DSCAML1: variants seen among roughly 807,000 people sequenced by gnomAD.
The protein encoded by DSCAML1 is DS cell adhesion molecule like 1.
In DSCAML1, 38 loss-of-function variants were observed where a neutral mutation model predicts 200.5. The ratio of observed to expected loss-of-function variants is 0.19; its 90% CI spans 0.15 to 0.25. DSCAML1 has a LOEUF of 0.25. Among genes scored for constraint, DSCAML1 ranks in the 10% least tolerant of loss-of-function variants. DSCAML1 has a pLI of 1.00. For missense variants in DSCAML1, 2,223 were observed against 2,858.8 expected (o/e 0.78, Z 5.07); for synonymous variants, 1,215 against 1,165.0 (o/e 1.04, Z -0.87).
intron 3 of DSCAML1, among the ~76,000 whole-genome samples, chr11:117,584,766 G>A (rs538713287): frequency 4.6e-5 from 7 of 152,198 alleles, no homozygotes; most frequent in Non-Finnish European, 8.8e-5. Context: ...CATTTGAACA[G>A]AGAGGATGTG....
intron 3 of DSCAML1, among the ~76,000 whole-genome samples, chr11:117,535,622 T>C (rs2050154627): frequency 6.6e-6 from 1 of 152,202 alleles, no homozygotes; most frequent in Admixed American, 6.5e-5. Flanking sequence ...TTTGTCTCCA[T>C]GTTGTGACAT....
chr11:117,567,263 T>C, intron 3 of DSCAML1, among the ~76,000 whole-genome samples: 1 of 152,174 alleles, frequency 6.6e-6, no homozygotes, highest in East Asian at 1.9e-4. Flanking sequence ...TTTTTAATGA[T>C]TGCCATTCTA....
intron 1 of DSCAML1, among the ~76,000 whole-genome samples, chr11:117,811,620 G>A (rs544307726): frequency 6.6e-6 from 1 of 152,154 alleles, no homozygotes. Flanking sequence ...CCTAAGCCGT[G>A]TCCCATCTGC....
At chr11:117,686,518 C>A (rs968136890) in intron 3 of DSCAML1, among the ~76,000 whole-genome samples, 2 of 152,218 alleles carry the variant, frequency 1.3e-5, no homozygotes, top group African/African-American at 4.8e-5. Context: ...CTGGTCCCTG[C>A]CCTACACTGC....
chr11:117,579,691 C>T (rs2051008342), intron 3 of DSCAML1, among the ~76,000 whole-genome samples: 1 of 152,186 alleles, frequency 6.6e-6, no homozygotes, highest in Admixed American at 6.5e-5. Flanking sequence ...CGTCTCTCTC[C>T]TCTAGAATAT....
intron 11 of DSCAML1, among the ~76,000 whole-genome samples, chr11:117,484,971 TAGG>T (rs2049014314): frequency 6.7e-6 from 1 of 148,496 alleles, no homozygotes; most frequent in Non-Finnish European, 1.5e-5. Context: ...CTTTCTTTGG[TAGG>T]AGGACTTCAC....
intron 11 of DSCAML1, 21 bp from the exon 12 acceptor site, chr11:117,482,183 A>G (rs2137218416): frequency 1.2e-6 from 2 of 1,613,434 alleles, no homozygotes; most frequent in East Asian, 2.2e-5. Flanking sequence ...GAGGCAGAGA[A>G]GGCCCAGTGA....
intron 3 of DSCAML1, among the ~76,000 whole-genome samples, chr11:117,590,535 A>T (rs1035550881): frequency 6.6e-6 from 1 of 152,188 alleles, no homozygotes; most frequent in Non-Finnish European, 1.5e-5. Context: ...TGCCTGCCAG[A>T]ACTGCCTGTT....
chr11:117,816,572 C>CGAGCA (rs1218992624), intron 1 of DSCAML1, among the ~76,000 whole-genome samples: 1 of 152,162 alleles, frequency 6.6e-6, no homozygotes, highest in Non-Finnish European at 1.5e-5. Flanking sequence ...GCAGCCCTGC[C>CGAGCA]GAGCAGAGCG....
intron 11 of DSCAML1, among the ~76,000 whole-genome samples, chr11:117,502,469 T>C (rs1014365607): frequency 1.3e-5 from 2 of 152,214 alleles, no homozygotes; most frequent in African/African-American, 4.8e-5. Context: ...TGCCTGGTTT[T>C]ATTAAGGACA....
chr11:117,802,978 A>G (rs1032417306), intron 1 of DSCAML1, among the ~76,000 whole-genome samples: 5 of 151,684 alleles, frequency 3.3e-5, no homozygotes, highest in Non-Finnish European at 7.4e-5. Context: ...ATATGAAAAC[A>G]CTGTAGAATA....
chr11:117,534,372 C>T (rs930159436), intron 3 of DSCAML1, among the ~76,000 whole-genome samples: 9 of 152,218 alleles, frequency 5.9e-5, no homozygotes, highest in Admixed American at 2.6e-4. Flanking sequence ...TTGAATATCT[C>T]TGGGGCTGGG....
rs1326811948 is a variant in DSCAML1, at chr11:117,587,103, G to A, written c.512-54581C>T. Among the ~76,000 whole-genome samples the A allele has an allele frequency of 4.1e-5, 6 of 147,972 alleles. No homozygotes were observed. In the Admixed American group the frequency reaches 4.1e-4, roughly 10 times the overall value. Reference sequence around the variant, plus strand: ...GGGAGAAGGCTCTCCACTTTTGCCAGGGGTCACTCTTATTGCTGCTGCCCC... The same window carrying A: ...GGGAGAAGGCTCTCCACTTTTGCCAAGGGTCACTCTTATTGCTGCTGCCCC... On this transcript the variant is annotated intron_variant, in intron 3 of 32. Coordinates refer to ENST00000651296, the MANE Select transcript of DSCAML1 (RefSeq NM_020693.4).
chr11:117,450,593 G>A lies in DSCAML1; in HGVS notation c.3664C>T (p.Arg1222Cys), dbSNP rs772678667. The A allele has an allele frequency of 1.2e-5, 20 of 1,614,062 alleles. 1 individual carries two copies. The Middle Eastern group carries it at 4.9e-4, about 40-fold the overall frequency. Residue 1222 changes from arginine to cysteine, a missense_variant, in exon 20 of 33, where the codon CGC becomes TGC. Arg to Cys is a radical substitution (Grantham distance 180). Around this residue, in one of 7 missense-constraint regions of DSCAML1, gnomAD observed 438 missense variants for 629.7 expected, o/e 0.70. Transcript: ENST00000651296. ...CTGGAACAGAAGATGGTGTACTTGC[G>A]GATCACCCCGTTGGGCTTGGTAGGG... The part of the protein sequence containing the change: ...LPPTKPNGVI[R>C]KYTIFCSSPG...
intron 1 of DSCAML1, among the ~76,000 whole-genome samples, chr11:117,809,895 CCA>C (rs774161711): frequency 3.4e-5 from 5 of 149,212 alleles, no homozygotes; most frequent in African/African-American, 9.8e-5. Flanking sequence ...ACACACACAC[CCA>C]CACACTCACA....
chr11:117,530,300 TGAAGGGG>T (rs2050051851), intron 4 of DSCAML1, among the ~76,000 whole-genome samples: 2 of 152,112 alleles, frequency 1.3e-5, no homozygotes, highest in Admixed American at 1.3e-4. Context: ...GACTAGAGGA[TGAAGGGG>T]CCAAATATTC....
chr11:117,799,284 C>A (rs1042395831), upstream of DSCAML1, among the ~76,000 whole-genome samples: 2 of 152,196 alleles, frequency 1.3e-5, no homozygotes, highest in African/African-American at 4.8e-5. Context: ...CTAAAATAAA[C>A]CGCTAAGGCA....
At chr11:117,786,137 G>A (rs912927136) in intron 1 of DSCAML1, among the ~76,000 whole-genome samples, 3 of 152,106 alleles carry the variant, frequency 2.0e-5, no homozygotes, top group Non-Finnish European at 2.9e-5. Context: ...CATATTTACC[G>A]AAAGAAAGAA....
chr11:117,442,309 G>C (rs991896873), intron 21 of DSCAML1, among the ~76,000 whole-genome samples: 6 of 150,416 alleles, frequency 4.0e-5, no homozygotes, highest in African/African-American at 1.2e-4. Context: ...GTGTGCATAT[G>C]TGTATGCATG....
Sources: allele counts gnomAD v4.1 joint callset (sites outside exome capture counted in the v4.1 genomes callset), GRCh38; gene constraint gnomAD v4.1.1; regional missense constraint gnomAD v4.1.1; transcripts MANE v1.5; gene names NCBI Gene and HGNC (gene_info 2026-07-23, HGNC 2026-07-21).